The following ACAA2 variants were observed in gnomAD, a reference collection of about 807,000 sequenced individuals.
ACAA2 encodes 3-ketoacyl-CoA thiolase, mitochondrial.
ACAA2 carries 35 observed loss-of-function variants against 44.8 expected under a neutral mutation model. The ratio of observed to expected loss-of-function variants is 0.78; its 90% CI spans 0.60 to 1.04. The LOEUF (loss-of-function observed/expected upper bound fraction) is 1.04, where lower values mean the gene tolerates loss of function less well. Ranked by LOEUF, ACAA2 falls within the 50% of genes least tolerant of loss-of-function variation. The pLI, the probability that ACAA2 is intolerant of heterozygous loss-of-function variation, is 0.00. For synonymous variants in ACAA2, 142 were observed against 166.5 expected, an observed-to-expected ratio of 0.85 and a Z score of 1.13; for missense variants, 468 against 482.6, an observed-to-expected ratio of 0.97 and a Z score of 0.28.
chr18:49,806,139 A>AT (rs1275655783), intron 1 of ACAA2, among the ~76,000 whole-genome samples: 7 of 152,304 alleles, frequency 4.6e-5, no homozygotes, highest in African/African-American at 9.6e-5. Context: ...TAAGTGTCCA[A>AT]TTTATTTATA....
intron 8 of ACAA2, chr18:49,786,227 A>G (rs2023327542): frequency 6.6e-6 from 1 of 152,190 alleles, no homozygotes; most frequent in Non-Finnish European, 1.5e-5. Context: ...ATACAGAGCC[A>G]TCTTCAAGGA....
chr18:49,794,367 T>A lies in ACAA2; in HGVS notation c.490A>T (p.Thr164Ser), dbSNP rs2023440678. 1 of 1,611,468 alleles carries A rather than the reference T, an allele frequency of 6.2e-7. No homozygotes were observed. The highest frequency in any genetic ancestry group is 2.2e-5 in the East Asian group (1 of 44,784). The change falls in exon 5 of 10, where the codon ACT becomes TCT. Residue 164 changes from threonine (T) to serine (S), a missense_variant. By Grantham distance (58) the Thr-to-Ser change is moderately conservative. Coordinates refer to ENST00000285093, the MANE Select transcript of ACAA2 (RefSeq NM_006111.3). Reference sequence around the variant, plus strand: ...TGTTTTACAGCAAGATTCTCTGCAGTCATTGCCATGGGGAGCTGGACATGC... The same window carrying A: ...TGTTTTACAGCAAGATTCTCTGCAGACATTGCCATGGGGAGCTGGACATGC... ...DQHVQLPMAM[T>S]AENLAVKHKI...
intron 1 of ACAA2, among the ~76,000 whole-genome samples, chr18:49,809,042 CT>C (rs2023640221): frequency 6.6e-6 from 1 of 152,120 alleles, no homozygotes; most frequent in Admixed American, 6.5e-5. Context: ...GAATACAATT[CT>C]TTTCCTAGGG....
At chr18:49,795,209 T>C (rs1441094032) in intron 4 of ACAA2, among the ~76,000 whole-genome samples, 1 of 152,200 alleles carries the variant, frequency 6.6e-6, no homozygotes, top group Non-Finnish European at 1.5e-5. Context: ...CACATGGGAA[T>C]GAGAAGAAAA....
At chr18:49,809,182 G>A (rs1416067870) in intron 1 of ACAA2, among the ~76,000 whole-genome samples, 1 of 152,094 alleles carries the variant, frequency 6.6e-6, no homozygotes, top group East Asian at 1.9e-4. Context: ...AAGACCTTAT[G>A]GTTATCTTCC....
intron 9 of ACAA2, 36 bp from the exon 10 acceptor site, chr18:49,783,967 T>C (rs763261284): frequency 1.9e-6 from 3 of 1,549,958 alleles, no homozygotes; most frequent in East Asian, 4.5e-5. Flanking sequence ...TCTACTCTAA[T>C]AAAAAATCAG....
At chr18:49,812,045 C>T (rs2023676489) in intron 1 of ACAA2, among the ~76,000 whole-genome samples, 1 of 152,108 alleles carries the variant, frequency 6.6e-6, no homozygotes, top group Admixed American at 6.5e-5. Context: ...TAGCTCATGA[C>T]AATGCACCTT....
intron 1 of ACAA2, 114 bp downstream of exon 1, chr18:49,813,355 T>C (rs190655981): frequency 1.8e-5 from 15 of 823,442 alleles, no homozygotes; most frequent in Admixed American, 8.6e-5. Flanking sequence ...ACCGAGGAGG[T>C]TGAGTGAACT....
intron 7 of ACAA2, among the ~76,000 whole-genome samples, chr18:49,791,149 G>A (rs1221942941): frequency 6.6e-6 from 1 of 152,130 alleles, no homozygotes; most frequent in Non-Finnish European, 1.5e-5. Flanking sequence ...TATCTTGTCA[G>A]GATCACGTAA....
chr18:49,788,599 G>C (rs1161672281), intron 7 of ACAA2, among the ~76,000 whole-genome samples: 1 of 152,158 alleles, frequency 6.6e-6, no homozygotes, highest in Non-Finnish European at 1.5e-5. Context: ...AATGAGATGG[G>C]TAGTCAGTAG....
chr18:49,788,941 C>G (rs539970753), intron 7 of ACAA2, among the ~76,000 whole-genome samples: 1 of 152,206 alleles, frequency 6.6e-6, no homozygotes, highest in Non-Finnish European at 1.5e-5. Context: ...CTCTGGGCAA[C>G]AAGCTACTCA....
chr18:49,788,035 G>C (rs1313304156), intron 7 of ACAA2, among the ~76,000 whole-genome samples: 1 of 152,312 alleles, frequency 6.6e-6, no homozygotes, highest in South Asian at 2.1e-4. Flanking sequence ...ACAACTCCAA[G>C]GGTAGGCAGG....
intron 7 of ACAA2, among the ~76,000 whole-genome samples, chr18:49,790,434 G>A (rs1434648237): frequency 1.3e-5 from 2 of 152,122 alleles, no homozygotes; most frequent in Admixed American, 6.5e-5. Context: ...TCTCTGAGAT[G>A]GCAGGTCAGT....
At chr18:49,813,333 G>A in intron 1 of ACAA2, 136 bp downstream of exon 1, 2 of 666,546 alleles carry the variant, frequency 3.0e-6, no homozygotes, top group Non-Finnish European at 4.3e-6. Context: ...TTTTTATCAC[G>A]TCCGCTCCAA....
chr18:49,787,681 C>G (rs1268150510), intron 7 of ACAA2, among the ~76,000 whole-genome samples: 1 of 151,882 alleles, frequency 6.6e-6, no homozygotes, highest in Non-Finnish European at 1.5e-5. Context: ...TAAAATGGAA[C>G]CAAGGTGAAA....
intron 2 of ACAA2, among the ~76,000 whole-genome samples, chr18:49,798,489 C>A (rs1003162585): frequency 1.1e-4 from 17 of 149,612 alleles, no homozygotes; most frequent in South Asian, 4.3e-4. Flanking sequence ...AAAAAAAAAA[C>A]CAACAACAAC....
chr18:49,810,978 T>C (rs139448804), intron 1 of ACAA2, among the ~76,000 whole-genome samples: 1 of 60,518 alleles, frequency 1.7e-5, no homozygotes, highest in Admixed American at 1.4e-4. Flanking sequence ...TTTAAAGTTT[T>C]TTTTTTTTAA....
intron 1 of ACAA2, 136 bp downstream of exon 1, chr18:49,813,333 G>T: frequency 1.5e-6 from 1 of 666,548 alleles, no homozygotes; most frequent in Non-Finnish European, 2.1e-6. Context: ...TTTTTATCAC[G>T]TCCGCTCCAA....
intron 1 of ACAA2, chr18:49,812,810 A>G (rs2023685673): frequency 6.6e-6 from 1 of 152,162 alleles, no homozygotes; most frequent in Non-Finnish European, 1.5e-5. Context: ...CAGGGCCTCG[A>G]TATGTATTCC....
Sources: allele counts gnomAD v4.1 joint callset (sites outside exome capture counted in the v4.1 genomes callset), GRCh38; gene constraint gnomAD v4.1.1; transcripts MANE v1.5; gene names NCBI Gene and HGNC (gene_info 2026-07-23, HGNC 2026-07-21).